ASIC4: variants seen among roughly 807,000 people sequenced by gnomAD.
The protein encoded by ASIC4 is acid-sensing ion channel 4.
ASIC4 carries 28 observed loss-of-function variants against 53.4 expected under a neutral mutation model. The ratio of observed to expected loss-of-function variants is 0.52; its 90% CI spans 0.39 to 0.72. ASIC4 has a LOEUF of 0.72. Among genes scored for constraint, ASIC4 ranks in the 30% least tolerant of loss-of-function variants. The pLI, the probability that ASIC4 is intolerant of heterozygous loss-of-function variation, is 0.00. For synonymous variants in ASIC4, 289 were observed against 301.4 expected (o/e 0.96, Z 0.43); for missense variants, 649 against 729.7 (o/e 0.89, Z 1.27).
chr2:219,523,833 T>C (rs1694925568), intron 1 of ASIC4, among the ~76,000 whole-genome samples: 1 of 152,066 alleles, frequency 6.6e-6, no homozygotes, highest in Non-Finnish European at 1.5e-5. Context: ...ACTTTTTTTT[T>C]TTTTTGAGAC....
chr2:219,520,761 A>G (rs575827072), intron 1 of ASIC4, among the ~76,000 whole-genome samples: 1 of 152,264 alleles, frequency 6.6e-6, no homozygotes, highest in Admixed American at 6.5e-5. Flanking sequence ...CATCTGGTTC[A>G]GGGCTGATCC....
At position 219,535,212 on chromosome 2, in the gene ASIC4, A is replaced by G. The variant is rs1559120213; in HGVS notation, c.1117A>G (p.Thr373Ala). 6.2e-7 allele frequency: 1 copy of G among 1,613,316 alleles called. No individual in the cohort carries two copies. Among genetic ancestry groups the G allele is most frequent in the Non-Finnish European group, 8.5e-7 (1 of 1,179,772 alleles). Residue 373 changes from threonine (T) to alanine (A), a missense_variant, in exon 6 of 10, where the codon ACC (threonine) becomes GCC (alanine). Transcript: ENST00000358078. ...GGPEGPCFCP[T>A]PCNLTRYGKE... Reference sequence around the variant, plus strand: ...CCCTGAGGGCCCGTGCTTCTGCCCCACCCCCTGCAACCTGACACGCTATGG... The same window carrying G: ...CCCTGAGGGCCCGTGCTTCTGCCCCGCCCCCTGCAACCTGACACGCTATGG...
At chr2:219,528,775 A>T (rs555951935) in intron 1 of ASIC4, among the ~76,000 whole-genome samples, 3 of 152,162 alleles carry the variant, frequency 2.0e-5, no homozygotes, top group Admixed American at 2.0e-4. Flanking sequence ...CCTGACCTCA[A>T]GTGTTCTGCC....
rs572070268 is a variant in ASIC4 at position 219,532,056 on chromosome 2, G to C, written c.783G>C (p.Pro261=). 1 of 1,614,130 alleles carries C rather than the reference G, an allele frequency of 6.2e-7. No homozygotes were observed. The highest frequency in any genetic ancestry group is 1.3e-5 in the African/African-American group (1 of 74,946). Residue 261 remains proline (P), a synonymous_variant, in exon 3 of 10, where the codon CCG becomes CCC. Coordinates refer to ENST00000358078, the MANE Select transcript of ASIC4 (RefSeq NM_018674.6). The part of the protein sequence containing the change: ...IRVQIHSQEE[P]PYIHQLGFGV... ...TGCAGATCCACAGCCAGGAGGAGCC[G>C]CCCTACATCCACCAGCTGGGGTTCG... is the stretch of plus-strand genomic sequence containing the variant.
intron 1 of ASIC4, among the ~76,000 whole-genome samples, chr2:219,523,783 G>GTGCAA (rs2125661120): frequency 6.6e-6 from 1 of 152,052 alleles, no homozygotes; most frequent in Non-Finnish European, 1.5e-5. Context: ...AACATGCCTG[G>GTGCAA]TGCAGTTCAA....
the ASIC4 span, among the ~76,000 whole-genome samples, chr2:219,508,071 T>C: frequency 5.9e-5 from 9 of 152,322 alleles, no homozygotes; most frequent in Admixed American, 1.3e-4. Flanking sequence ...ACCTATAAGC[T>C]GTCCCTAGTT....
At chr2:219,515,437 C>A in intron 1 of ASIC4, 131 bp downstream of exon 1, 1 of 1,249,568 alleles carries the variant, frequency 8.0e-7, no homozygotes, top group South Asian at 1.5e-5. Flanking sequence ...AGGCTGGCCT[C>A]GTGTTTCCCC....
At chr2:219,510,621 C>G (rs1694688230), upstream of ASIC4, among the ~76,000 whole-genome samples, 1 of 152,216 alleles carries the variant, frequency 6.6e-6, no homozygotes, top group Non-Finnish European at 1.5e-5. The surrounding 1 kb of genome is among the most constrained non-coding windows in gnomAD (Gnocchi z 5.2). Flanking sequence ...CCATCTTGGA[C>G]CTGGTGTCCT....
At chr2:219,531,509 G>T (rs150408290) in intron 1 of ASIC4, among the ~76,000 whole-genome samples, 1 of 152,322 alleles carries the variant, frequency 6.6e-6, no homozygotes, top group South Asian at 2.1e-4. Context: ...GGAAAACGGT[G>T]GGGGGAAGGC....
chr2:219,527,224 GTC>G (rs1694974667), intron 1 of ASIC4, among the ~76,000 whole-genome samples: 1 of 152,206 alleles, frequency 6.6e-6, no homozygotes, highest in Non-Finnish European at 1.5e-5. Context: ...CCCAGGGACT[GTC>G]TCCTGGGCAA....
At chr2:219,525,099 C>T (rs1559117111) in intron 1 of ASIC4, among the ~76,000 whole-genome samples, 1 of 152,168 alleles carries the variant, frequency 6.6e-6, no homozygotes, top group South Asian at 2.1e-4. Context: ...TGGATTTGAA[C>T]CCTGTTCTGT....
the ASIC4 span, among the ~76,000 whole-genome samples, chr2:219,508,935 T>A: frequency 1.4e-5 from 1 of 69,802 alleles, no homozygotes; most frequent in Non-Finnish European, 3.0e-5. Context: ...GGGAGGGGGG[T>A]GGGTCCCTGG....
At chr2:219,512,432 A>G (rs890885433), upstream of ASIC4, among the ~76,000 whole-genome samples, 7 of 152,198 alleles carry the variant, frequency 4.6e-5, no homozygotes, top group African/African-American at 1.7e-4. Flanking sequence ...GCAAAGCCCC[A>G]GACTAAAGTA....
In ASIC4 at chr2:219,525,591, G is replaced by A. The variant is rs117584184; in HGVS notation, c.583-6167G>A. Among the ~76,000 whole-genome samples, 14 of 152,304 alleles carry A rather than the reference G, an allele frequency of 9.2e-5. No individual in the cohort carries two copies. The East Asian group carries it at 2.1e-3, about 23-fold the overall frequency. ...ATGAGTGATTGGACTGAGTGACCTC[G>A]AAGTTCTGAGCAGCGCAGACACCTC... On this transcript the variant is annotated intron_variant, in intron 1 of 9. Coordinates refer to ENST00000358078, the MANE Select transcript of ASIC4 (RefSeq NM_018674.6).
chr2:219,535,947 C>A (rs1284467652), intron 6 of ASIC4, among the ~76,000 whole-genome samples: 3 of 151,898 alleles, frequency 2.0e-5, no homozygotes, highest in African/African-American at 7.3e-5. Context: ...TAATTTTTGT[C>A]TTTTTAGTAG....
chr2:219,535,521 G>C (rs1008296347), intron 6 of ASIC4, among the ~76,000 whole-genome samples, 197 bp downstream of exon 6: 1 of 150,228 alleles, frequency 6.7e-6, no homozygotes, highest in South Asian at 2.1e-4. Context: ...TGTGTGGGGG[G>C]CATGTATGTG....
upstream of ASIC4, among the ~76,000 whole-genome samples, chr2:219,513,076 C>T (rs576160617): frequency 3.8e-4 from 58 of 152,312 alleles, 1 homozygote; most frequent in African/African-American, 1.3e-3. Flanking sequence ...GGGTGGACCT[C>T]GGGCTCTAAT....
chr2:219,530,444 C>T (rs1695024897), intron 1 of ASIC4, among the ~76,000 whole-genome samples: 1 of 152,280 alleles, frequency 6.6e-6, no homozygotes, highest in African/African-American at 2.4e-5. Context: ...TTGTGCCCTG[C>T]ACTGGGCCAG....
rs1415908439 is a variant in ASIC4 at position 219,517,947 on chromosome 2, A to G, written c.582+2641A>G. On this transcript the variant is annotated intron_variant, in intron 1 of 9. Transcript: ENST00000358078. The surrounding 1 kb of genome is among the most constrained non-coding windows in gnomAD (Gnocchi z 4.2). ...CCTTTCCTCTGGAATCCAAGTTAAT[A>G]AATGTCACATTTTCCAGCCTATTTT... is the stretch of plus-strand genomic sequence containing the variant. Among the ~76,000 whole-genome samples the G allele has an allele frequency of 6.6e-6, 1 of 152,088 alleles. No homozygotes were observed. Among genetic ancestry groups the G allele is most frequent in the East Asian group, 1.9e-4 (1 of 5,194 alleles).
Sources: gnomAD v4.1 joint callset for allele counts (sites outside exome capture counted in the v4.1 genomes callset) on GRCh38, gnomAD v4.1.1 for gene constraint, Gnocchi (gnomAD v3.1) non-coding constraint, MANE v1.5 for transcripts, NCBI Gene and HGNC (gene_info 2026-07-23, HGNC 2026-07-21) for gene names.